The following USP13 variants were observed in gnomAD, a reference collection of about 807,000 sequenced individuals.
USP13 encodes ubiquitin carboxyl-terminal hydrolase 13.
USP13 carries 68 observed loss-of-function variants against 107.8 expected under a neutral mutation model. The observed-to-expected ratio is 0.63, with a 90% confidence interval of 0.52 to 0.77. The LOEUF (loss-of-function observed/expected upper bound fraction) is 0.77, where lower values mean the gene tolerates loss of function less well. Among genes scored for constraint, USP13 ranks in the 30% least tolerant of loss-of-function variants. USP13 has a pLI of 0.00. For missense variants in USP13, 945 were observed against 1,093.3 expected, an observed-to-expected ratio of 0.86 and a Z score of 1.91; for synonymous variants, 377 against 389.5, an observed-to-expected ratio of 0.97 and a Z score of 0.38.
In USP13 at chr3:179,742,025, A is replaced by T. The variant is rs555515972; in HGVS notation, c.1381-172A>T. 2.0e-5 allele frequency among the ~76,000 whole-genome samples: 3 copies of T among 152,062 alleles called. No homozygotes were observed. Among genetic ancestry groups the T allele is most frequent in the Non-Finnish European group, 2.9e-5 (2 of 68,012 alleles). On this transcript the variant is annotated intron_variant, in intron 11 of 20. Transcript: ENST00000263966. This position sits in a 1 kb window ranked among gnomAD's most constrained non-coding sequence, Gnocchi z 5.0. ...TTATTTTACCAATCCCCATTTTTGG[A>T]CTTTAGATAAATTCCAGTGTTTTTC... is the stretch of plus-strand genomic sequence containing the variant.
chr3:179,751,914 TG>T (rs1442835963), intron 13 of USP13, among the ~76,000 whole-genome samples: 1 of 152,164 alleles, frequency 6.6e-6, no homozygotes, highest in Non-Finnish European at 1.5e-5. Context: ...GGCTAATTTT[TG>T]TATTTTTAGT....
chr3:179,728,944 GGAGAGA>G lies in USP13; in HGVS notation c.1089-1243_1089-1238del, dbSNP rs1227253967. ...CAGCTCGGCATCAGAGGGAGACCGT[GGAGAGA>G]GGGAGAGGGAGACCGTGGGGAGACG... On this transcript the variant is annotated intron_variant, in intron 8 of 20. Transcript: ENST00000263966. Among the ~76,000 whole-genome samples the G allele has an allele frequency of 4.1e-3, 625 of 151,396 alleles. 6 individuals carry two copies. Among genetic ancestry groups the G allele is most frequent in the African/African-American group, 0.014 (573 of 41,322 alleles).
intron 8 of USP13, among the ~76,000 whole-genome samples, chr3:179,728,465 G>A (rs1408915695): frequency 6.7e-6 from 1 of 150,322 alleles, no homozygotes; most frequent in Non-Finnish European, 1.5e-5. Context: ...AGATGGGATG[G>A]CGGCCGGGCA....
At position 179,695,273 on chromosome 3, in the gene USP13, G is replaced by A. The variant is rs560375517; in HGVS notation, c.355+4972G>A. 1.6e-4 allele frequency among the ~76,000 whole-genome samples: 25 copies of A among 152,312 alleles called. No individual in the cohort carries two copies. The South Asian group carries it at 4.6e-3, about 28-fold the overall frequency. ...GGTGGCCAATGCTTTATCTTGGGTG[G>A]AGGTGTTTTATTCCCATTCATTTGA... On this transcript the variant is annotated intron_variant, in intron 3 of 20. Transcript: ENST00000263966.
At chr3:179,722,773 A>G (rs1713370979) in intron 8 of USP13, among the ~76,000 whole-genome samples, 1 of 152,114 alleles carries the variant, frequency 6.6e-6, no homozygotes, top group Admixed American at 6.6e-5. Context: ...TAACCATCCT[A>G]ATTGTATTTT....
intron 1 of USP13, among the ~76,000 whole-genome samples, chr3:179,659,190 G>A (rs1419897590): frequency 6.6e-6 from 1 of 152,180 alleles, no homozygotes; most frequent in Non-Finnish European, 1.5e-5. Context: ...GGTGGGAGTG[G>A]CTGGTTTAGA....
intron 13 of USP13, among the ~76,000 whole-genome samples, chr3:179,746,716 C>A (rs1243707299): frequency 6.6e-6 from 1 of 152,100 alleles, no homozygotes; most frequent in Non-Finnish European, 1.5e-5. Flanking sequence ...CAGGCATGAG[C>A]CACCGCACCC....
In USP13 at chr3:179,740,295, A is replaced by G; in HGVS notation, c.1303A>G (p.Lys435Glu). The part of the protein sequence containing the change: ...SPRMFKAFVS[K>E]SHPEFSSNRQ... ...GCGCATGTTTAAGGCCTTTGTAAGC[A>G]AGAGCCACCCGGAATTCTCCTCTAA... The change falls in exon 11 of 21, where the codon AAG (lysine) becomes GAG (glutamate). Residue 435 changes from lysine (K) to glutamate (E), a missense_variant. Lys to Glu is a moderately conservative substitution (Grantham distance 56). Coordinates refer to ENST00000263966, the MANE Select transcript of USP13 (RefSeq NM_003940.3). 2 of 1,614,170 alleles carry G rather than the reference A, an allele frequency of 1.2e-6. No homozygotes were observed. The highest frequency in any genetic ancestry group is 1.7e-6 in the Non-Finnish European group (2 of 1,180,044).
At chr3:179,697,231 C>T (rs1307342145) in intron 3 of USP13, among the ~76,000 whole-genome samples, 1 of 152,214 alleles carries the variant, frequency 6.6e-6, no homozygotes, top group Admixed American at 6.5e-5. Flanking sequence ...AGTTCATCTG[C>T]CCCTCTGATA....
chr3:179,712,479 CAT>C (rs1297904564), intron 6 of USP13, among the ~76,000 whole-genome samples: 2 of 152,090 alleles, frequency 1.3e-5, no homozygotes, highest in East Asian at 3.8e-4. Context: ...CATACACACA[CAT>C]GTACACACGC....
At chr3:179,753,950 A>G (rs947933147) in intron 14 of USP13, among the ~76,000 whole-genome samples, 2 of 152,218 alleles carry the variant, frequency 1.3e-5, no homozygotes, top group Non-Finnish European at 2.9e-5. Flanking sequence ...TAAAGATAAT[A>G]CACTTGAGAT....
chr3:179,755,281 T>C (rs533628850), intron 15 of USP13, among the ~76,000 whole-genome samples: 1 of 152,168 alleles, frequency 6.6e-6, no homozygotes, highest in Non-Finnish European at 1.5e-5. Flanking sequence ...TCACTGGTCA[T>C]TGTTCAGAAC....
At chr3:179,778,625 G>T (rs1182229187) in intron 19 of USP13, among the ~76,000 whole-genome samples, 1 of 152,188 alleles carries the variant, frequency 6.6e-6, no homozygotes, top group African/African-American at 2.4e-5. Context: ...AATTAGCCGG[G>T]CATAGTGGCG....
At chr3:179,743,323 A>G (rs1714267843) in intron 12 of USP13, among the ~76,000 whole-genome samples, 1 of 151,132 alleles carries the variant, frequency 6.6e-6, no homozygotes, top group Non-Finnish European at 1.5e-5. Flanking sequence ...CGGCACACAT[A>G]TACTTATGTA....
chr3:179,693,102 A>G (rs984787533), intron 3 of USP13, among the ~76,000 whole-genome samples: 2 of 152,094 alleles, frequency 1.3e-5, no homozygotes, highest in African/African-American at 4.8e-5. Context: ...CTATTGTTTT[A>G]TATCCAGGTT....
intron 1 of USP13, among the ~76,000 whole-genome samples, chr3:179,675,507 A>G (rs1720867793): frequency 6.6e-6 from 1 of 150,790 alleles, no homozygotes; most frequent in African/African-American, 2.4e-5. Flanking sequence ...AATTTACCCA[A>G]TGCTATATGA....
chr3:179,728,781 A>C (rs1379014668), intron 8 of USP13, among the ~76,000 whole-genome samples: 6 of 152,126 alleles, frequency 3.9e-5, no homozygotes, highest in Non-Finnish European at 8.8e-5. Flanking sequence ...GGGGCTGGAG[A>C]CCGGCCGGGC....
At chr3:179,720,887 A>C (rs1204923258) in intron 7 of USP13, among the ~76,000 whole-genome samples, 5 of 150,980 alleles carry the variant, frequency 3.3e-5, no homozygotes, top group East Asian at 2.0e-4. Flanking sequence ...CAGCTCACTG[A>C]AACCTCCGCC....
At position 179,764,046 on chromosome 3, in the gene USP13, T is replaced by G; in HGVS notation, c.2137T>G (p.Ser713Ala). Residue 713 changes from serine to alanine, a missense_variant, in exon 18 of 21, where the codon TCT becomes GCT. Coordinates refer to ENST00000263966, the MANE Select transcript of USP13 (RefSeq NM_003940.3). ...LTMPGYGGAA[S>A]AGASVFGASG... The stretch of plus-strand genomic sequence containing the variant: ...CATGCCTGGTTATGGAGGGGCAGCT[T>G]CTGCTGGAGCCTCTGTTTTTGGTGC... 6.2e-7 allele frequency: 1 copy of G among 1,614,066 alleles called. No individual in the cohort carries two copies. Among genetic ancestry groups the G allele is most frequent in the Non-Finnish European group, 8.5e-7 (1 of 1,179,990 alleles).
Sources: gnomAD v4.1 joint callset for allele counts (sites outside exome capture counted in the v4.1 genomes callset) on GRCh38, gnomAD v4.1.1 for gene constraint, Gnocchi (gnomAD v3.1) non-coding constraint, MANE v1.5 for transcripts, NCBI Gene and HGNC (gene_info 2026-07-23, HGNC 2026-07-21) for gene names.